The following OIT3 variants were observed in gnomAD, a reference collection of about 807,000 sequenced individuals.
OIT3 encodes the protein oncoprotein induced transcript 3.
A neutral mutation model predicts 52.2 loss-of-function variants in OIT3; 41 were observed. The observed-to-expected ratio is 0.79, with a 90% CI of 0.61 to 1.02. The LOEUF is 1.02. Among genes scored for constraint, OIT3 ranks in the 50% least tolerant of loss-of-function variants. The pLI is 0.00. For missense variants in OIT3, 634 were observed against 715.5 expected (o/e 0.89, Z 1.30); for synonymous variants, 244 against 276.9 (o/e 0.88, Z 1.18).
rs971531083 is a variant in OIT3 at position 72,913,399 on chromosome 10, C to A, written c.882C>A (p.Cys294Ter). The change falls in exon 6 of 9, where the codon TGC becomes TGA. Residue 294 changes from cysteine to a stop codon, truncating the protein, a stop_gained. Transcript: ENST00000334011. LOFTEE classifies it high-confidence loss of function. ...GLELFLTNTS[C>*]RGVSNGTHVN... ...AGCTCTTCCTGACCAACACCTCCTG[C>A]CGAGGAGTGTCCAACGGCACCCATG... The A allele has an allele frequency of 4.3e-6, 7 of 1,613,754 alleles. No homozygotes were observed. The highest frequency in any genetic ancestry group is 5.9e-6 in the Non-Finnish European group (7 of 1,179,712).
intron 7 of OIT3, among the ~76,000 whole-genome samples, chr10:72,926,675 C>G (rs568630021): frequency 5.3e-5 from 8 of 152,316 alleles, no homozygotes; most frequent in African/African-American, 1.7e-4. Flanking sequence ...CTGAGCTACT[C>G]TGGACGGCCC....
intron 2 of OIT3, among the ~76,000 whole-genome samples, chr10:72,899,722 TAGATAG>T (rs1405501012): frequency 6.7e-6 from 1 of 148,920 alleles, no homozygotes; most frequent in East Asian, 1.9e-4. Flanking sequence ...GATAGATAGA[TAGATAG>T]ATAGATAGAT....
At position 72,924,313 on chromosome 10, in the gene OIT3, C is replaced by T. The variant is rs770133213; in HGVS notation, c.1036C>T (p.Arg346Ter). Reference protein sequence around the residue: ...TPGSSGDFIIRTSKLLIPVTC... With the variant: ...TPGSSGDFII ...GGGGAGCAGCGGGGACTTCATCATC[C>T]GAACCAGCAAGCTGCTGATCCCGGT... Residue 346 changes from arginine (R) to a stop codon, truncating the protein, a stop_gained, in exon 7 of 9, where the codon CGA becomes TGA. Transcript: ENST00000334011. LOFTEE classifies it high-confidence loss of function. 1.4e-5 allele frequency: 23 copies of T among 1,613,964 alleles called. No homozygotes were observed. The highest frequency in any genetic ancestry group is 4.5e-5 in the East Asian group (2 of 44,892).
At chr10:72,920,796 G>A (rs886134214) in intron 6 of OIT3, among the ~76,000 whole-genome samples, 12 of 152,150 alleles carry the variant, frequency 7.9e-5, no homozygotes, top group African/African-American at 2.9e-4. Context: ...CTGAGAGCCT[G>A]TTATGATTTC....
intron 1 of OIT3, among the ~76,000 whole-genome samples, chr10:72,896,758 G>C: frequency 6.6e-6 from 1 of 152,116 alleles, no homozygotes; most frequent in Non-Finnish European, 1.5e-5. Flanking sequence ...TGAATTCCCT[G>C]CCCACAAAAT....
At chr10:72,910,865 A>G (rs1403721518) in intron 4 of OIT3, among the ~76,000 whole-genome samples, 2 of 152,224 alleles carry the variant, frequency 1.3e-5, no homozygotes, top group South Asian at 4.1e-4. Context: ...GAAAGCAGCC[A>G]TGAAGGTAAA....
At chr10:72,896,365 A>G (rs911794123) in intron 1 of OIT3, among the ~76,000 whole-genome samples, 1 of 152,204 alleles carries the variant, frequency 6.6e-6, no homozygotes, top group African/African-American at 2.4e-5. Flanking sequence ...TGGGAGAGCA[A>G]AGGAGGAAGA....
chr10:72,916,309 C>T (rs1401163584), intron 6 of OIT3, among the ~76,000 whole-genome samples: 1 of 152,102 alleles, frequency 6.6e-6, no homozygotes, highest in Non-Finnish European at 1.5e-5. Flanking sequence ...ATATTTCCTG[C>T]TTCTCTCCCC....
chr10:72,894,056 C>T (rs1471524634), intron 1 of OIT3, among the ~76,000 whole-genome samples, 197 bp downstream of exon 1: 2 of 152,146 alleles, frequency 1.3e-5, no homozygotes, highest in Non-Finnish European at 2.9e-5. Context: ...CTTGCCTGGA[C>T]TCCAAAATTT....
chr10:72,903,981 G>C (rs564709748), intron 3 of OIT3, among the ~76,000 whole-genome samples: 1 of 152,272 alleles, frequency 6.6e-6, no homozygotes, highest in East Asian at 1.9e-4. Flanking sequence ...CTAAAAGACA[G>C]AAATGAAATC....
chr10:72,924,755 A>G (rs929697407), intron 7 of OIT3, 111 bp downstream of exon 7: 18 of 901,554 alleles, frequency 2.0e-5, no homozygotes, highest in Non-Finnish European at 2.8e-5. Context: ...TCAGCAATTT[A>G]TTAGTTCAGG....
chr10:72,927,887 C>A (rs1846183151), intron 7 of OIT3, among the ~76,000 whole-genome samples: 1 of 152,062 alleles, frequency 6.6e-6, no homozygotes, highest in South Asian at 2.1e-4. Flanking sequence ...TTTCCTGGCA[C>A]CTTTCTCCAT....
In OIT3 at chr10:72,900,433, T is replaced by C; in HGVS notation, c.493T>C (p.Cys165Arg). The C allele has an allele frequency of 6.2e-7, 1 of 1,613,024 alleles. No individual in the cohort carries two copies. The highest frequency in any genetic ancestry group is 1.3e-5 in the African/African-American group (1 of 74,994). ...CHGSCSDTSE[C>R]TCAPGTVLGP... ...TGGCAGCTGCTCAGATACCAGCGAG[T>C]GCACATGCGCTCCAGGAACTGTGCT... The change falls in exon 3 of 9, where the codon TGC (cysteine) becomes CGC (arginine). Residue 165 changes from cysteine to arginine, a missense_variant. Physicochemically the swap from Cys to Arg is radical, Grantham distance 180 (BLOSUM62 -3). Transcript: ENST00000334011.
chr10:72,904,889 G>T (rs900440668), intron 3 of OIT3, among the ~76,000 whole-genome samples: 27 of 152,126 alleles, frequency 1.8e-4, no homozygotes, highest in African/African-American at 6.5e-4. Context: ...GGGTTTATTT[G>T]GTTTATGATT....
At position 72,932,504 on chromosome 10, in the gene OIT3, C is replaced by G. The variant is rs200619658; in HGVS notation, c.1618C>G (p.Arg540Gly). ...CCAGACGCTAACAGGCGGCCCGATC[C>G]GCATCGACTGGGAGGACTAGTTCGT... is the stretch of plus-strand genomic sequence containing the variant. ...QGQTLTGGPI[R>G]IDWED is the part of the protein sequence containing the mutation. Residue 540 changes from arginine (R) to glycine (G), a missense_variant, in exon 9 of 9, where the codon CGC becomes GGC. Transcript: ENST00000334011. The G allele has an allele frequency of 6.2e-7, 1 of 1,608,940 alleles. No individual in the cohort carries two copies. Among genetic ancestry groups the G allele is most frequent in the East Asian group, 2.2e-5 (1 of 44,766 alleles).
rs181227172 is a variant in OIT3, at chr10:72,913,468, T to C, written c.951T>C (p.Asp317=). ...FSLKTCGTVV[D]VVNDKIVASN... ...TCAAGACATGTGGTACAGTGGTCGA[T>C]GTAGGTTCCTCCTGGAGGGCACTTG... The change falls in exon 6 of 9, where the codon GAT becomes GAC. Residue 317 remains aspartate, a splice_region_variant and synonymous_variant. Transcript: ENST00000334011. 21 of 1,601,706 alleles carry C rather than the reference T, an allele frequency of 1.3e-5. No homozygotes were observed. The Admixed American group carries it at 2.5e-4, about 19-fold the overall frequency.
intron 1 of OIT3, among the ~76,000 whole-genome samples, chr10:72,897,464 T>G (rs1011568480): frequency 6.6e-6 from 1 of 152,262 alleles, no homozygotes; most frequent in Non-Finnish European, 1.5e-5. Flanking sequence ...CATGGTTAAC[T>G]GTGAATACAC....
intron 1 of OIT3, among the ~76,000 whole-genome samples, chr10:72,895,571 A>C (rs1255635164): frequency 1.3e-5 from 2 of 152,186 alleles, no homozygotes; most frequent in African/African-American, 4.8e-5. Context: ...ATGGAAGAGG[A>C]TGGAGCAGGA....
chr10:72,924,079 A>G, intron 6 of OIT3, 150 bp from the exon 7 acceptor site: 6 of 672,642 alleles, frequency 8.9e-6, no homozygotes, highest in Non-Finnish European at 9.8e-6. Flanking sequence ...GGGCAGTGGG[A>G]AAAAAAAACA....
Sources: allele counts gnomAD v4.1 joint callset (sites outside exome capture counted in the v4.1 genomes callset), GRCh38; gene constraint gnomAD v4.1.1; transcripts MANE v1.5; gene names NCBI Gene and HGNC (gene_info 2026-07-23, HGNC 2026-07-21).